The following TMEM8B variants were observed in gnomAD, a reference collection of about 807,000 sequenced individuals.
TMEM8B encodes the protein nasopharyngeal carcinoma expressed 6.
TMEM8B carries 29 observed loss-of-function variants against 49.3 expected under a neutral mutation model. That is an observed-to-expected ratio of 0.59 (90% CI 0.44 to 0.80). The LOEUF (loss-of-function observed/expected upper bound fraction) is 0.80. TMEM8B is among the 30% of genes least tolerant of loss of function. The probability of loss-of-function intolerance (pLI) is 0.00; values close to 1 mark genes in which losing one functional copy is unlikely to be tolerated. For missense variants in TMEM8B, 575 were observed against 658.5 expected, an observed-to-expected ratio of 0.87 and a Z score of 1.39; for synonymous variants, 264 against 272.8, an observed-to-expected ratio of 0.97 and a Z score of 0.32.
chr9:35,858,114 T>TG lies in TMEM8B; in HGVS notation c.*4274_*4275insG, dbSNP rs1832584721. 6.6e-6 allele frequency: 1 copy of TG among 151,180 alleles called. No individual in the cohort carries two copies. The allele number at this position is 151,180 out of a possible 1,614,324, so 9.4% of individuals were successfully genotyped here. Reference sequence around the variant, plus strand: ...CCATTTTTTTTCTTTCTTTCTTTTTTTTTTTTTTGAGACGGAGTCTCACTC... The same window carrying TG: ...CCATTTTTTTTCTTTCTTTCTTTTTTGTTTTTTTTGAGACGGAGTCTCACTC... On this transcript the variant is annotated 3_prime_UTR_variant, in exon 13 of 13. Transcript: ENST00000643932.
Position 35,846,401 on chromosome 9 carries a change from G to A in TMEM8B, c.1853+20G>A. On this transcript the variant is annotated intron_variant, in intron 8 of 12. Transcript: ENST00000643932. ...GCCTCGGTGAGCGGTGCGGGGCGGG[G>A]CCAGGGCTGGGACCGGGACTTGGCG... 1 of 1,606,416 alleles carries A rather than the reference G, an allele frequency of 6.2e-7. No homozygotes were observed. Among genetic ancestry groups the A allele is most frequent in the Non-Finnish European group, 8.5e-7 (1 of 1,175,992 alleles).
Position 35,855,780 on chromosome 9 carries a change from C to A in TMEM8B, c.*1940C>A, listed in dbSNP as rs978622871. 12 of 152,218 alleles carry A rather than the reference C, an allele frequency of 7.9e-5. No homozygotes were observed. Among genetic ancestry groups the A allele is most frequent in the Admixed American group, 7.9e-4 (12 of 15,278 alleles). The allele number at this position is 152,218 out of a possible 1,614,324, so 9.4% of individuals were successfully genotyped here. A position where few individuals can be genotyped will look rare whatever the true frequency, so the allele number is the denominator to read the frequency against. Reference sequence around the variant, plus strand: ...GAAACCCAAAAGCCAGGAAAACATGCCTTTGTTATCTGCTTTCTGCAATCA... The same window carrying A: ...GAAACCCAAAAGCCAGGAAAACATGACTTTGTTATCTGCTTTCTGCAATCA... On this transcript the variant is annotated 3_prime_UTR_variant, in exon 13 of 13. Transcript: ENST00000643932.
At chr9:35,852,749 C>T in intron 10 of TMEM8B, 78 bp from the exon 11 acceptor site, 1 of 1,571,746 alleles carries the variant, frequency 6.4e-7, no homozygotes, top group Non-Finnish European at 8.7e-7. Context: ...GCACACCACC[C>T]CTGGGCCCAC....
chr9:35,831,009 A>T (rs147588761), intron 1 of TMEM8B, among the ~76,000 whole-genome samples: 1 of 152,250 alleles, frequency 6.6e-6, no homozygotes, highest in South Asian at 2.1e-4. Flanking sequence ...GATGTGCCTG[A>T]TGGAGTCTTT....
rs1832396874 is a variant in TMEM8B, at chr9:35,854,028, G to A, written c.*188G>A. On this transcript the variant is annotated 3_prime_UTR_variant, in exon 13 of 13. Coordinates refer to ENST00000643932, the MANE Select transcript of TMEM8B (RefSeq NM_001042590.4). ...ATGGAGAACTTCCTGAGGGCCTGGA[G>A]TCCCCCTGCATCATGGAGTCCTTCT... 1.5e-6 allele frequency: 2 copies of A among 1,331,852 alleles called. No homozygotes were observed. Among genetic ancestry groups the A allele is most frequent in the Non-Finnish European group, 1.9e-6 (2 of 1,047,048 alleles). The allele number at this position is 1,331,852 out of a possible 1,614,324, so 82.5% of individuals were successfully genotyped here. A position where few individuals can be genotyped will look rare whatever the true frequency, so the allele number is the denominator to read the frequency against.
At chr9:35,833,738 CTGA>C (rs1284043422) in intron 1 of TMEM8B, among the ~76,000 whole-genome samples, 3 of 152,174 alleles carry the variant, frequency 2.0e-5, no homozygotes, top group Non-Finnish European at 4.4e-5. Flanking sequence ...CCTGGGAGGC[CTGA>C]TGACTCTCCT....
At chr9:35,851,281 C>G (rs1407418419) in intron 10 of TMEM8B, among the ~76,000 whole-genome samples, 3 of 149,032 alleles carry the variant, frequency 2.0e-5, no homozygotes, top group Non-Finnish European at 4.4e-5. Context: ...GTAGCTGGGA[C>G]TATAGGCACA....
At chr9:35,851,220 A>C (rs962470162) in intron 10 of TMEM8B, among the ~76,000 whole-genome samples, 1 of 151,470 alleles carries the variant, frequency 6.6e-6, no homozygotes, top group Non-Finnish European at 1.5e-5. Context: ...CAATCCTCCC[A>C]CCTCAGCCCC....
Position 35,841,027 on chromosome 9 carries a change from G to C in TMEM8B, c.907-107G>C. The C allele has an allele frequency of 2.4e-6, 1 of 411,370 alleles. No homozygotes were observed. Among genetic ancestry groups the C allele is most frequent in the Non-Finnish European group, 4.4e-6 (1 of 225,904 alleles). 25.5% of individuals were successfully genotyped at this position (411,370 alleles called of 1,614,324 possible). On this transcript the variant is annotated intron_variant, in intron 3 of 12. Transcript: ENST00000643932. This position sits in a 1 kb window ranked among gnomAD's most constrained non-coding sequence, Gnocchi z 5.9. ...CTGGGTTAGAGGCCTGGGAGTGGTG[G>C]CCGGGGCGGGGGTTTCTCCCCAGCC...
rs935181464 is a variant in TMEM8B, at chr9:35,846,305, G to A, written c.1777G>A (p.Ala593Thr). The A allele has an allele frequency of 3.7e-6, 6 of 1,614,082 alleles. No individual in the cohort carries two copies. The African/African-American group carries it at 5.3e-5, about 14-fold the overall frequency. Residue 593 changes from alanine (A) to threonine (T), a missense_variant, in exon 8 of 13, where the codon GCC becomes ACC. Coordinates refer to ENST00000643932, the MANE Select transcript of TMEM8B (RefSeq NM_001042590.4). ...CTCTGTCAGTGCCACCACCAGGGTT[G>A]CCAGGCTGCGAATCCCATTCCCGCA... ...LLSVSATTRVARLRIPFPQTG... is the reference protein window; with the variant it reads ...LLSVSATTRVTRLRIPFPQTG...
intron 3 of TMEM8B, among the ~76,000 whole-genome samples, chr9:35,835,768 G>C (rs981046298): frequency 6.6e-6 from 1 of 152,238 alleles, no homozygotes; most frequent in Non-Finnish European, 1.5e-5. Context: ...TGGGCAGCTA[G>C]TGTCCATCCT....
intron 10 of TMEM8B, 149 bp from the exon 11 acceptor site, chr9:35,852,678 G>A (rs961595769): frequency 2.3e-6 from 2 of 871,220 alleles, no homozygotes; most frequent in African/African-American, 3.4e-5. Context: ...AGGATTTGGG[G>A]AGTCAGGCAT....
At chr9:35,846,412 G>C (rs766992974) in intron 8 of TMEM8B, 31 bp downstream of exon 8, 1 of 1,603,480 alleles carries the variant, frequency 6.2e-7, no homozygotes, top group South Asian at 1.1e-5. Flanking sequence ...CCAGGGCTGG[G>C]ACCGGGACTT....
In TMEM8B at chr9:35,845,987, C is replaced by A; in HGVS notation, c.1648C>A (p.Gln550Lys). Reference sequence around the variant, plus strand: ...CTGCCCTCCCCAGAGCTCCGTGCGCCAGGAAAACGTGACGGTGTTTGGATG... The same window carrying A: ...CTGCCCTCCCCAGAGCTCCGTGCGCAAGGAAAACGTGACGGTGTTTGGATG... ...ELQLNASSVR[Q>K]ENVTVFGCLT... The change falls in exon 7 of 13, where the codon CAG becomes AAG. Residue 550 changes from glutamine to lysine, a missense_variant. Coordinates refer to ENST00000643932, the MANE Select transcript of TMEM8B (RefSeq NM_001042590.4). 6.2e-7 allele frequency: 1 copy of A among 1,613,874 alleles called. No homozygotes were observed. The highest frequency in any genetic ancestry group is 2.2e-5 in the East Asian group (1 of 44,872).
chr9:35,834,029 A>AATACAC (rs1564017996), intron 1 of TMEM8B, among the ~76,000 whole-genome samples: 2 of 67,762 alleles, frequency 3.0e-5, no homozygotes, highest in Non-Finnish European at 6.3e-5. Flanking sequence ...GCCATGCCAA[A>AATACAC]ATACACACAC....
rs879170695 is a variant in TMEM8B, at chr9:35,841,827, AG to A, written c.1309+34del. On this transcript the variant is annotated intron_variant, in intron 5 of 12. Coordinates refer to ENST00000643932, the MANE Select transcript of TMEM8B (RefSeq NM_001042590.4). This position sits in a 1 kb window ranked among gnomAD's most constrained non-coding sequence, Gnocchi z 5.9. Reference sequence around the variant, plus strand: ...CCCCTGCATTTGCCCCAGTCTGTGTAGACATCTGTGGTTGGGAAGTGACTTG... The same window carrying A: ...CCCCTGCATTTGCCCCAGTCTGTGTAACATCTGTGGTTGGGAAGTGACTTG... The A allele has an allele frequency of 1.9e-5, 8 of 415,760 alleles. No individual in the cohort carries two copies. The South Asian group carries it at 1.0e-3, about 53-fold the overall frequency. The allele number at this position is 415,760 out of a possible 1,614,324, so 25.8% of individuals were successfully genotyped here. A position where few individuals can be genotyped will look rare whatever the true frequency, so the allele number is the denominator to read the frequency against.
chr9:35,834,060 A>G (rs1258140942), intron 1 of TMEM8B, among the ~76,000 whole-genome samples: 1 of 151,334 alleles, frequency 6.6e-6, no homozygotes, highest in African/African-American at 2.4e-5. Flanking sequence ...ACACACACAC[A>G]CACACACACA....
At chr9:35,851,778 C>G (rs1407666314) in intron 10 of TMEM8B, among the ~76,000 whole-genome samples, 1 of 152,168 alleles carries the variant, frequency 6.6e-6, no homozygotes, top group Non-Finnish European at 1.5e-5. Flanking sequence ...ATTTTGTTTT[C>G]TTTTTCTAAG....
chr9:35,835,776 C>T (rs1191986619), intron 3 of TMEM8B, among the ~76,000 whole-genome samples: 4 of 152,228 alleles, frequency 2.6e-5, no homozygotes, highest in African/African-American at 9.6e-5. Flanking sequence ...TAGTGTCCAT[C>T]CTGGCCTTTG....
Sources: gnomAD v4.1 joint callset for allele counts (sites outside exome capture counted in the v4.1 genomes callset) on GRCh38, gnomAD v4.1.1 for gene constraint, Gnocchi (gnomAD v3.1) non-coding constraint, MANE v1.5 for transcripts, NCBI Gene and HGNC (gene_info 2026-07-23, HGNC 2026-07-21) for gene names.